PCDH15: variants seen among roughly 807,000 people sequenced by gnomAD.
The protein encoded by PCDH15 is protocadherin related 15, also known as protocadherin-15.
A neutral mutation model predicts 178.5 loss-of-function variants in PCDH15; 129 were observed. The observed-to-expected ratio is 0.72, with a 90% confidence interval of 0.63 to 0.84. The LOEUF is 0.84. PCDH15 is among the 40% of genes least tolerant of loss of function. The pLI, the probability that PCDH15 is intolerant of heterozygous loss-of-function variation, is 0.00. For synonymous variants in PCDH15, 800 were observed against 732.0 expected (o/e 1.09, Z -1.50); for missense variants, 2,230 against 2,099.9 (o/e 1.06, Z -1.21).
At chr10:55,559,127 CCTTA>C (rs1357208435) in intron 2 of PCDH15, among the ~76,000 whole-genome samples, 5 of 152,060 alleles carry the variant, frequency 3.3e-5, no homozygotes, top group Admixed American at 6.6e-5. Context: ...TACACTTCCA[CCTTA>C]CATCTCACAC....
intron 2 of PCDH15, among the ~76,000 whole-genome samples, chr10:54,602,932 CTTGTGGATGTCTTT>C (rs1373878946): frequency 0.013 from 1,916 of 151,948 alleles, 42 homozygotes; most frequent in African/African-American, 0.044. Context: ...GTTTACTTTT[CTTGTGGATGTCTTT>C]GGTTATCAGG....
At chr10:53,866,310 C>T (rs2079444568) in intron 27 of PCDH15, among the ~76,000 whole-genome samples, 1 of 151,860 alleles carries the variant, frequency 6.6e-6, no homozygotes, top group South Asian at 2.1e-4. Flanking sequence ...ACTGGACACC[C>T]TATATTAAAC....
chr10:54,686,687 T>TA (rs1252580853), intron 1 of PCDH15, among the ~76,000 whole-genome samples: 1 of 152,130 alleles, frequency 6.6e-6, no homozygotes, highest in Non-Finnish European at 1.5e-5. Flanking sequence ...TTGGCACCCT[T>TA]AGTGAAGATC....
chr10:54,377,180 G>A (rs547695793), intron 4 of PCDH15, among the ~76,000 whole-genome samples: 117 of 152,114 alleles, frequency 7.7e-4, no homozygotes, highest in Non-Finnish European at 1.2e-3. Context: ...GAAATAAAAT[G>A]TGGCAGAATA....
intron 1 of PCDH15, among the ~76,000 whole-genome samples, chr10:55,208,977 G>A (rs1840483962): frequency 6.6e-6 from 1 of 152,034 alleles, no homozygotes. Flanking sequence ...CTATGGAGAT[G>A]GGAAATAGTA....
intron 3 of PCDH15, among the ~76,000 whole-genome samples, chr10:54,380,156 GA>G (rs1232523139): frequency 1.3e-5 from 2 of 151,876 alleles, no homozygotes; most frequent in Non-Finnish European, 2.9e-5. Flanking sequence ...AGAAATGCTG[GA>G]AAGAACCATG....
intron 25 of PCDH15, among the ~76,000 whole-genome samples, chr10:53,933,168 T>A (rs2085234515): frequency 6.6e-6 from 1 of 152,088 alleles, no homozygotes; most frequent in South Asian, 2.1e-4. Context: ...TATTTCTTTT[T>A]TTTTTAAATT....
intron 32 of PCDH15, chr10:53,821,922 C>T (rs1264005664): frequency 1.2e-6 from 2 of 1,613,528 alleles, no homozygotes; most frequent in East Asian, 2.2e-5. Flanking sequence ...GTTCAAACTC[C>T]CCTTGTTTTG....
intron 2 of PCDH15, among the ~76,000 whole-genome samples, chr10:54,933,704 C>T (rs537266039): frequency 2.6e-5 from 4 of 152,014 alleles, no homozygotes; most frequent in African/African-American, 9.6e-5. Context: ...TTTTTAAACC[C>T]ATGCACCTTA....
At chr10:55,365,244 A>G (rs1171656336) in intron 2 of PCDH15, among the ~76,000 whole-genome samples, 1 of 152,170 alleles carries the variant, frequency 6.6e-6, no homozygotes, top group Non-Finnish European at 1.5e-5. Flanking sequence ...GTTCCTTCCC[A>G]CAGTAGGAAC....
At chr10:53,852,985 C>T (rs921447981) in intron 28 of PCDH15, among the ~76,000 whole-genome samples, 2 of 152,042 alleles carry the variant, frequency 1.3e-5, no homozygotes, top group African/African-American at 2.4e-5. Flanking sequence ...TCACTCATCC[C>T]AGACATGGAT....
At chr10:54,295,881 A>C (rs2133133520) in intron 8 of PCDH15, among the ~76,000 whole-genome samples, 1 of 152,146 alleles carries the variant, frequency 6.6e-6, no homozygotes, top group East Asian at 1.9e-4. Flanking sequence ...GCGGTGGCTC[A>C]CGCCTGTAAT....
At chr10:55,377,248 G>A (rs1174872983) in intron 2 of PCDH15, among the ~76,000 whole-genome samples, 1 of 151,620 alleles carries the variant, frequency 6.6e-6, no homozygotes, top group Non-Finnish European at 1.5e-5. Flanking sequence ...AACAAAAAGA[G>A]GGAAACATTA....
At chr10:55,206,398 T>G (rs1216869843) in intron 1 of PCDH15, among the ~76,000 whole-genome samples, 1 of 152,112 alleles carries the variant, frequency 6.6e-6, no homozygotes, top group East Asian at 1.9e-4. Flanking sequence ...TCAGGTATGG[T>G]GCACTCCACA....
chr10:54,479,170 T>C (rs1367109109), intron 3 of PCDH15, among the ~76,000 whole-genome samples: 9 of 152,020 alleles, frequency 5.9e-5, no homozygotes, highest in Non-Finnish European at 8.8e-5. Flanking sequence ...ATTAATATAG[T>C]TCTCCAAAAT....
intron 25 of PCDH15, among the ~76,000 whole-genome samples, chr10:53,916,895 A>C (rs575013156): frequency 3.3e-5 from 5 of 151,944 alleles, no homozygotes; most frequent in Admixed American, 1.3e-4. Context: ...CTCTCAAGGC[A>C]GGAGGGAGAA....
chr10:55,015,041 T>C (rs764000667), intron 2 of PCDH15, among the ~76,000 whole-genome samples: 4 of 151,868 alleles, frequency 2.6e-5, no homozygotes, highest in Non-Finnish European at 5.9e-5. Context: ...AGCAACATGG[T>C]GAAACCCCAT....
intron 16 of PCDH15, among the ~76,000 whole-genome samples, chr10:54,082,517 A>C (rs1489377036): frequency 6.6e-6 from 1 of 152,230 alleles, no homozygotes; most frequent in Non-Finnish European, 1.5e-5. Flanking sequence ...AACAAACGGC[A>C]CTGGAACAAA....
chr10:54,387,918 T>G (rs1950108604), intron 3 of PCDH15, among the ~76,000 whole-genome samples: 1 of 152,140 alleles, frequency 6.6e-6, no homozygotes, highest in South Asian at 2.1e-4. Context: ...TTATATGGGG[T>G]ACTTAAAGTA....
Sources: allele counts gnomAD v4.1 joint callset (sites outside exome capture counted in the v4.1 genomes callset), GRCh38; gene constraint gnomAD v4.1.1; transcripts MANE v1.5; gene names NCBI Gene and HGNC (gene_info 2026-07-23, HGNC 2026-07-21).